The following XRCC4 variants were observed in gnomAD, a reference collection of about 807,000 sequenced individuals.
XRCC4 encodes the protein X-ray repair cross complementing 4.
A neutral mutation model predicts 39.1 loss-of-function variants in XRCC4; 28 were observed. That is an observed-to-expected ratio of 0.72 (90% confidence interval 0.53 to 0.98). The LOEUF is 0.98. XRCC4 is among the 50% of genes least tolerant of loss of function. The pLI is 0.00. For missense variants in XRCC4, 350 were observed against 376.4 expected, an observed-to-expected ratio of 0.93 and a Z score of 0.58; for synonymous variants, 123 against 126.4, an observed-to-expected ratio of 0.97 and a Z score of 0.18.
At position 83,353,324 on chromosome 5, in the gene XRCC4, A is replaced by G; in HGVS notation, c.*82A>G. On this transcript the variant is annotated 3_prime_UTR_variant, in exon 8 of 8. Coordinates refer to ENST00000396027, the MANE Select transcript of XRCC4 (RefSeq NM_003401.5). ...AAATGAAAAAGGAGAATTTCAAGTC[A>G]GCAGCCGCTATTACCGTATCTTACA... 9.2e-7 allele frequency: 1 copy of G among 1,092,300 alleles called. No individual in the cohort carries two copies. Among genetic ancestry groups the G allele is most frequent in the Non-Finnish European group, 1.3e-6 (1 of 756,676 alleles). The allele number at this position is 1,092,300 out of a possible 1,614,324, so 67.7% of individuals were successfully genotyped here.
At chr5:83,158,449 C>T (rs1561370167) in intron 3 of XRCC4, among the ~76,000 whole-genome samples, 1 of 151,944 alleles carries the variant, frequency 6.6e-6, no homozygotes, top group Non-Finnish European at 1.5e-5. Flanking sequence ...CAGTGTCAAC[C>T]TATGAAAGAT....
At position 83,079,331 on chromosome 5, in the gene XRCC4, C is replaced by T. The variant is rs1042353484; in HGVS notation, c.-11+1716C>T. 9.9e-5 allele frequency among the ~76,000 whole-genome samples: 15 copies of T among 152,068 alleles called. 1 individual carries two copies. The South Asian group carries it at 1.5e-3, about 15-fold the overall frequency. ...ATGTAAAACATCAAAGTTAATCTGA[C>T]GTGGTGAGTTTTTTTTGGGAGGTGG... is the stretch of plus-strand genomic sequence containing the variant. On this transcript the variant is annotated intron_variant, in intron 1 of 7. Coordinates refer to ENST00000396027, the MANE Select transcript of XRCC4 (RefSeq NM_003401.5).
chr5:83,212,147 TAC>T (rs747224539), intron 6 of XRCC4, among the ~76,000 whole-genome samples: 2 of 151,894 alleles, frequency 1.3e-5, no homozygotes, highest in Admixed American at 6.6e-5. Flanking sequence ...TGTGTATATA[TAC>T]ACACACACAC....
At chr5:83,215,023 T>C (rs1751803402) in intron 6 of XRCC4, among the ~76,000 whole-genome samples, 1 of 151,990 alleles carries the variant, frequency 6.6e-6, no homozygotes, top group Admixed American at 6.6e-5. Flanking sequence ...GAAAACATCT[T>C]ATATTTATAG....
chr5:83,336,328 A>T (rs1327858308), intron 7 of XRCC4, among the ~76,000 whole-genome samples: 1 of 152,086 alleles, frequency 6.6e-6, no homozygotes, highest in Non-Finnish European at 1.5e-5. Context: ...GCTGCATGTG[A>T]ATTTATGTAT....
chr5:83,221,700 T>A (rs1752088805), intron 6 of XRCC4, among the ~76,000 whole-genome samples: 1 of 151,990 alleles, frequency 6.6e-6, no homozygotes, highest in Non-Finnish European at 1.5e-5. Context: ...AACAGTGATT[T>A]ATGCTCAGTC....
At chr5:83,105,220 A>G (rs903420211) in intron 2 of XRCC4, among the ~76,000 whole-genome samples, 162 bp downstream of exon 2, 1 of 152,196 alleles carries the variant, frequency 6.6e-6, no homozygotes, top group African/African-American at 2.4e-5. Flanking sequence ...GCCACTTTCT[A>G]TATTTAATAG....
At chr5:83,158,377 T>A (rs1749056865) in intron 3 of XRCC4, among the ~76,000 whole-genome samples, 1 of 152,106 alleles carries the variant, frequency 6.6e-6, no homozygotes, top group Non-Finnish European at 1.5e-5. Flanking sequence ...TCTGTAGATA[T>A]TGTGAAAGAA....
chr5:83,200,148 TAAAA>T (rs1409775699), intron 4 of XRCC4, among the ~76,000 whole-genome samples: 3 of 152,202 alleles, frequency 2.0e-5, no homozygotes, highest in Non-Finnish European at 4.4e-5. Context: ...GGATTGGCAT[TAAAA>T]ATTAGGTGGG....
intron 6 of XRCC4, among the ~76,000 whole-genome samples, chr5:83,254,374 A>G (rs1034173383): frequency 2.6e-5 from 4 of 152,118 alleles, no homozygotes; most frequent in Non-Finnish European, 5.9e-5. Flanking sequence ...ATGCCATTAC[A>G]ACAAGGCCAC....
At chr5:83,366,914 C>A in the XRCC4 span, among the ~76,000 whole-genome samples, 2 of 152,040 alleles carry the variant, frequency 1.3e-5, no homozygotes, top group African/African-American at 4.8e-5. Flanking sequence ...TTTCCTTGCC[C>A]CGATTAGTTA....
At chr5:83,349,880 C>A (rs1383808965) in intron 7 of XRCC4, among the ~76,000 whole-genome samples, 1 of 152,020 alleles carries the variant, frequency 6.6e-6, no homozygotes, top group Admixed American at 6.6e-5. Flanking sequence ...GAGCATAGTA[C>A]CCAATAGGTA....
rs1231346759 is a variant in XRCC4, at chr5:83,313,343, T to C, written c.894-39788T>C. Among the ~76,000 whole-genome samples, 4 of 152,268 alleles carry C rather than the reference T, an allele frequency of 2.6e-5. No individual in the cohort carries two copies. In the South Asian group the frequency reaches 8.3e-4, roughly 32 times the overall value. On this transcript the variant is annotated intron_variant, in intron 7 of 7. Transcript: ENST00000396027. ...ACTGTCCCTGTCCATTGAAATCTTC[T>C]AATAGACAACACATTTACATCTAAC...
intron 2 of XRCC4, among the ~76,000 whole-genome samples, chr5:83,108,138 A>G (rs1746286016): frequency 1.3e-5 from 2 of 151,808 alleles, no homozygotes; most frequent in Admixed American, 1.3e-4. Flanking sequence ...TTTATGCCTT[A>G]TTATGTGGTT....
intron 2 of XRCC4, among the ~76,000 whole-genome samples, chr5:83,105,642 A>G (rs1317935370): frequency 6.6e-6 from 1 of 152,186 alleles, no homozygotes; most frequent in East Asian, 1.9e-4. Flanking sequence ...CAAATCATGT[A>G]TGGAACATGG....
chr5:83,088,765 A>G (rs916226675), intron 1 of XRCC4, among the ~76,000 whole-genome samples: 1 of 152,228 alleles, frequency 6.6e-6, no homozygotes, highest in Non-Finnish European at 1.5e-5. Context: ...GTTGATGCAT[A>G]TAACATTTCC....
chr5:83,331,974 G>T (rs1184842214), intron 7 of XRCC4, among the ~76,000 whole-genome samples: 5 of 152,050 alleles, frequency 3.3e-5, no homozygotes, highest in African/African-American at 1.2e-4. Context: ...GAGTGAACCT[G>T]TTACTAATAA....
intron 1 of XRCC4, among the ~76,000 whole-genome samples, chr5:83,090,951 T>A (rs1321626419): frequency 6.6e-6 from 1 of 152,196 alleles, no homozygotes; most frequent in Admixed American, 6.5e-5. Context: ...TGATTTTGAA[T>A]GCAATGCAGA....
intron 6 of XRCC4, among the ~76,000 whole-genome samples, chr5:83,211,643 A>G (rs1174958724): frequency 6.6e-6 from 1 of 152,230 alleles, no homozygotes; most frequent in Non-Finnish European, 1.5e-5. Context: ...ACAAAAGAAA[A>G]GAAACCTATT....
Sources: gnomAD v4.1 joint callset for allele counts (sites outside exome capture counted in the v4.1 genomes callset) on GRCh38, gnomAD v4.1.1 for gene constraint, MANE v1.5 for transcripts, NCBI Gene and HGNC (gene_info 2026-07-23, HGNC 2026-07-21) for gene names.